Variants in CCDC89 observed in about 807,000 individuals in gnomAD.
CCDC89 encodes coiled-coil domain-containing protein 89.
In CCDC89, 28 loss-of-function variants were observed where a neutral mutation model predicts 29.3. The observed-to-expected ratio is 0.96, with a 90% CI of 0.71 to 1.31. The LOEUF (loss-of-function observed/expected upper bound fraction) is 1.31, where lower values mean the gene tolerates loss of function less well. Among genes scored for constraint, CCDC89 ranks in the 50% most tolerant of loss-of-function variants. CCDC89 has a pLI of 0.00. For missense variants in CCDC89, 484 were observed against 442.3 expected, an observed-to-expected ratio of 1.09 and a Z score of -0.85; for synonymous variants, 191 against 179.7, an observed-to-expected ratio of 1.06 and a Z score of -0.51.
In CCDC89 at chr11:85,685,389, C is replaced by A. The variant is rs748279798; in HGVS notation, c.742G>T (p.Ala248Ser). The A allele has an allele frequency of 6.2e-7, 1 of 1,611,386 alleles. No homozygotes were observed. Among genetic ancestry groups the A allele is most frequent in the Non-Finnish European group, 8.5e-7 (1 of 1,180,018 alleles). Residue 248 changes from alanine to serine, a missense_variant, in exon 1 of 1, where the codon GCT (alanine) becomes TCT (serine). Transcript: ENST00000316398. ...CTGCTGTGTGTCTCCTCTGCCTTAG[C>A]TATCTGCTCCACAGCCTGCTGGTGC... ...QQHQQAVEQIAKAEETHSSLS... is the reference protein window; with the variant it reads ...QQHQQAVEQISKAEETHSSLS...
rs957141513 is a variant in CCDC89 at position 85,683,938 on chromosome 11, G to A, written c.*1068C>T. Among the ~76,000 whole-genome samples, 4 of 152,106 alleles carry A rather than the reference G, an allele frequency of 2.6e-5. No homozygotes were observed. Among genetic ancestry groups the A allele is most frequent in the Non-Finnish European group, 5.9e-5 (4 of 68,002 alleles). On this transcript the variant is annotated 3_prime_UTR_variant, in exon 1 of 1. Coordinates refer to ENST00000316398, the MANE Select transcript of CCDC89 (RefSeq NM_152723.3). ...CTTGGTAGCCTTCAGCAAAATGGGT[G>A]AGAAAAATATTACATTACAATCTAT...
chr11:85,685,826 T>A lies in CCDC89; in HGVS notation c.305A>T (p.Glu102Val). Residue 102 changes from glutamate (E) to valine (V), a missense_variant, in exon 1 of 1, where the codon GAG (glutamate) becomes GTG (valine). Transcript: ENST00000316398. ...CTCAGCCTCCTGCATCATCTTCTCC[T>A]CCAGCTCTGCATTGAGCAGCTCTAG... ...QILELLNAEL[E>V]EKMMQEAEKL... 1 of 1,614,162 alleles carries A rather than the reference T, an allele frequency of 6.2e-7. No individual in the cohort carries two copies. Among genetic ancestry groups the A allele is most frequent in the Admixed American group, 1.7e-5 (1 of 60,028 alleles).
At position 85,685,434 on chromosome 11, in the gene CCDC89, G is replaced by T; in HGVS notation, c.697C>A (p.Leu233Met). 2 of 1,612,884 alleles carry T rather than the reference G, an allele frequency of 1.2e-6. No individual in the cohort carries two copies. Among genetic ancestry groups the T allele is most frequent in the Non-Finnish European group, 1.7e-6 (2 of 1,180,032 alleles). ...TGGTGCTGCTGCTTGAGGGTCTGCAGCTGGCTGCGCAGCTGTTCTGTCTCC... is the reference window on the plus strand; with the variant it reads ...TGGTGCTGCTGCTTGAGGGTCTGCATCTGGCTGCGCAGCTGTTCTGTCTCC... ...TKETEQLRSQ[L>M]QTLKQQHQQA... The change falls in exon 1 of 1, where the codon CTG becomes ATG. Residue 233 changes from leucine (L) to methionine (M), a missense_variant. Coordinates refer to ENST00000316398, the MANE Select transcript of CCDC89 (RefSeq NM_152723.3).
Position 85,685,648 on chromosome 11 carries a change from A to G in CCDC89, c.483T>C (p.Asn161=), listed in dbSNP as rs1485266507. The G allele has an allele frequency of 3.7e-6, 6 of 1,614,044 alleles. No individual in the cohort carries two copies. Among genetic ancestry groups the G allele is most frequent in the Non-Finnish European group, 4.2e-6 (5 of 1,180,020 alleles). ...REENEKLRLE[N]SSLFSQALKD... is the part of the protein sequence containing the mutation. ...TCAGAGCCTGGCTGAAGAGGCTGCT[A>G]TTCTCCAGCCTCAGCTTCTCATTCT... The change falls in exon 1 of 1, where the codon AAT becomes AAC. Residue 161 remains asparagine (N), a synonymous_variant. Coordinates refer to ENST00000316398, the MANE Select transcript of CCDC89 (RefSeq NM_152723.3).
chr11:85,684,837 A>G lies in CCDC89; in HGVS notation c.*169T>C, dbSNP rs1358705526. 3 of 729,676 alleles carry G rather than the reference A, an allele frequency of 4.1e-6. No homozygotes were observed. Among genetic ancestry groups the G allele is most frequent in the Non-Finnish European group, 6.4e-6 (3 of 468,886 alleles). 45.2% of individuals were successfully genotyped at this position (729,676 alleles called of 1,614,324 possible). A position where few individuals can be genotyped will look rare whatever the true frequency, so the allele number is the denominator to read the frequency against. Reference sequence around the variant, plus strand: ...ATTCTAGGTGTAGAAATGAAAATTAATAATGGCTTTACAATAATAACAACA... The same window carrying G: ...ATTCTAGGTGTAGAAATGAAAATTAGTAATGGCTTTACAATAATAACAACA... On this transcript the variant is annotated 3_prime_UTR_variant, in exon 1 of 1. Transcript: ENST00000316398.
Position 85,685,910 on chromosome 11 carries a change from G to A in CCDC89, c.221C>T (p.Ser74Phe), listed in dbSNP as rs2083015007. ...CCGCTTCAGGATGCAGATGAGCTGG[G>A]ACTGCTCTTCAATGCGGGAGCGAAG... ...AMLRSRIEEQSQLICILKRRS... is the reference protein window; with the variant it reads ...AMLRSRIEEQFQLICILKRRS... Residue 74 changes from serine to phenylalanine, a missense_variant, in exon 1 of 1, where the codon TCC (serine) becomes TTC (phenylalanine). By Grantham distance (155) the Ser-to-Phe change is radical. Coordinates refer to ENST00000316398, the MANE Select transcript of CCDC89 (RefSeq NM_152723.3). The A allele has an allele frequency of 6.2e-7, 1 of 1,614,138 alleles. No individual in the cohort carries two copies. Among genetic ancestry groups the A allele is most frequent in the Non-Finnish European group, 8.5e-7 (1 of 1,180,032 alleles).
rs369087148 is a variant in CCDC89 at position 85,685,251 on chromosome 11, A to G, written c.880T>C (p.Cys294Arg). ...ATCTCCAACTTTTCCTCAAGCTGGC[A>G]GATCTCTGCCTGTTTGTTCTGAAGC... Reference protein sequence around the residue: ...KVLQNKQAEICQLEEKLEIAN... With the variant: ...KVLQNKQAEIRQLEEKLEIAN... The change falls in exon 1 of 1, where the codon TGC (cysteine) becomes CGC (arginine). Residue 294 changes from cysteine (C) to arginine (R), a missense_variant. Physicochemically the swap from Cys to Arg is radical, Grantham distance 180. Transcript: ENST00000316398. 35 of 1,612,468 alleles carry G rather than the reference A, an allele frequency of 2.2e-5. No homozygotes were observed. The African/African-American group carries it at 4.4e-4, about 20-fold the overall frequency.
Position 85,685,240 on chromosome 11 carries a change from C to T in CCDC89, c.891G>A (p.Glu297=). 6.2e-7 allele frequency: 1 copy of T among 1,613,108 alleles called. No individual in the cohort carries two copies. The highest frequency in any genetic ancestry group is 8.5e-7 in the Non-Finnish European group (1 of 1,180,048). The change falls in exon 1 of 1, where the codon GAG becomes GAA. Residue 297 remains glutamate, a synonymous_variant. Coordinates refer to ENST00000316398, the MANE Select transcript of CCDC89 (RefSeq NM_152723.3). ...QNKQAEICQL[E]EKLEIANEDR... is the part of the protein sequence containing the mutation. ...CTTCATTTGCTATCTCCAACTTTTC[C>T]TCAAGCTGGCAGATCTCTGCCTGTT... is the stretch of plus-strand genomic sequence containing the variant.
Position 85,685,783 on chromosome 11 carries a change from AC to A in CCDC89, c.347del (p.Gly116ValfsTer7). 4 of 1,613,926 alleles carry A rather than the reference AC, an allele frequency of 2.5e-6. No individual in the cohort carries two copies. Among genetic ancestry groups the A allele is most frequent in the Non-Finnish European group, 3.4e-6 (4 of 1,179,988 alleles). On this transcript the variant is annotated frameshift_variant, in exon 1 of 1. Transcript: ENST00000316398. LOFTEE classifies it high-confidence loss of function. ...MQEAEKLKAQ[G>X]EYSRKLEERF... The stretch of plus-strand genomic sequence containing the variant: ...GTTCCTCTAGTTTCCGACTGTACTC[AC>A]CCTGGGCCTTGAGCTTCTCAGCCTC...
chr11:85,685,564 C>T lies in CCDC89; in HGVS notation c.567G>A (p.Glu189=), dbSNP rs2083011239. 6.2e-7 allele frequency: 1 copy of T among 1,614,178 alleles called. No individual in the cohort carries two copies. The highest frequency in any genetic ancestry group is 1.7e-5 in the Admixed American group (1 of 60,032). The change falls in exon 1 of 1, where the codon GAG becomes GAA. Residue 189 remains glutamate (E), a synonymous_variant. Coordinates refer to ENST00000316398, the MANE Select transcript of CCDC89 (RefSeq NM_152723.3). ...CACACCTCTCCTTCAGCGTTTCTAG[C>T]TCCCCAGTGAGGGCCTCACACCGGA... The part of the protein sequence containing the change: ...LTVRCEALTG[E]LETLKERCAQ...
chr11:85,685,610 G>A lies in CCDC89; in HGVS notation c.521C>T (p.Ala174Val). 1 of 1,614,076 alleles carries A rather than the reference G, an allele frequency of 6.2e-7. No individual in the cohort carries two copies. Among genetic ancestry groups the A allele is most frequent in the East Asian group, 2.2e-5 (1 of 44,860 alleles). ...LFSQALKDEEAKVLQLTVRCE... is the reference protein window; with the variant it reads ...LFSQALKDEEVKVLQLTVRCE... ...CCGGACTGTGAGCTGTAATACTTTC[G>A]CCTCCTCATCCTTCAGAGCCTGGCT... Residue 174 changes from alanine (A) to valine (V), a missense_variant, in exon 1 of 1, where the codon GCG (alanine) becomes GTG (valine). By Grantham distance (64) the Ala-to-Val change is moderately conservative (BLOSUM62 0). Transcript: ENST00000316398.
At position 85,685,882 on chromosome 11, in the gene CCDC89, C is replaced by T. The variant is rs766265603; in HGVS notation, c.249G>A (p.Arg83=). ...QSQLICILKR[R]SDEALERCQI... is the part of the protein sequence containing the mutation. ...GGCAGCGCTCCAGGGCCTCATCTGA[C>T]CTCCGCTTCAGGATGCAGATGAGCT... The change falls in exon 1 of 1, where the codon AGG becomes AGA. Residue 83 remains arginine, a synonymous_variant. Coordinates refer to ENST00000316398, the MANE Select transcript of CCDC89 (RefSeq NM_152723.3). 4 of 1,614,044 alleles carry T rather than the reference C, an allele frequency of 2.5e-6. No homozygotes were observed. In the African/African-American group the frequency reaches 5.3e-5, roughly 22 times the overall value.
chr11:85,685,117 C>G lies in CCDC89; in HGVS notation c.1014G>C (p.Gln338His). ...RELQRKVDGI[Q>H]KAYDELRLQS... Reference sequence around the variant, plus strand: ...GCAGCCTGAGTTCATCGTAGGCCTTCTGGATCCCATCTACTTTGCGCTGAA... The same window carrying G: ...GCAGCCTGAGTTCATCGTAGGCCTTGTGGATCCCATCTACTTTGCGCTGAA... The change falls in exon 1 of 1, where the codon CAG (glutamine) becomes CAC (histidine). Residue 338 changes from glutamine to histidine, a missense_variant. Coordinates refer to ENST00000316398, the MANE Select transcript of CCDC89 (RefSeq NM_152723.3). The G allele has an allele frequency of 6.2e-7, 1 of 1,614,238 alleles. No homozygotes were observed. Among genetic ancestry groups the G allele is most frequent in the Non-Finnish European group, 8.5e-7 (1 of 1,180,052 alleles).
Position 85,684,949 on chromosome 11 carries a change from T to C in CCDC89, c.*57A>G. The stretch of plus-strand genomic sequence containing the variant: ...GATATCATCTTTACTCTTGCCATAA[T>C]GCTAAGACGCAAATATTTGAATTCT... On this transcript the variant is annotated 3_prime_UTR_variant, in exon 1 of 1. Coordinates refer to ENST00000316398, the MANE Select transcript of CCDC89 (RefSeq NM_152723.3). The C allele has an allele frequency of 6.5e-7, 1 of 1,529,196 alleles. No individual in the cohort carries two copies. Among genetic ancestry groups the C allele is most frequent in the Non-Finnish European group, 8.8e-7 (1 of 1,136,196 alleles). The allele number at this position is 1,529,196 out of a possible 1,614,324, so 94.7% of individuals were successfully genotyped here. A position where few individuals can be genotyped will look rare whatever the true frequency, so the allele number is the denominator to read the frequency against.
At position 85,686,106 on chromosome 11, in the gene CCDC89, G is replaced by T; in HGVS notation, c.25C>A (p.Gln9Lys). Reference protein sequence around the residue: MRAPMLQKQQAPRMDTPPP... With the variant: MRAPMLQKKQAPRMDTPPP... The stretch of plus-strand genomic sequence containing the variant: ...GGGGTGTCCATCCTGGGAGCCTGCT[G>T]TTTCTGGAGCATAGGCGCTCTCATC... The change falls in exon 1 of 1, where the codon CAG (glutamine) becomes AAG (lysine). Residue 9 changes from glutamine to lysine, a missense_variant. Physicochemically the swap from Gln to Lys is moderately conservative, Grantham distance 53. Transcript: ENST00000316398. 12 of 1,613,808 alleles carry T rather than the reference G, an allele frequency of 7.4e-6. No individual in the cohort carries two copies. The highest frequency in any genetic ancestry group is 1.0e-5 in the Non-Finnish European group (12 of 1,179,912).
Position 85,683,966 on chromosome 11 carries a change from TGA to T in CCDC89, c.*1038_*1039del, listed in dbSNP as rs1357777644. The stretch of plus-strand genomic sequence containing the variant: ...AAAAATATTACATTACAATCTATTT[TGA>T]GAGGTATTCATAATAATGTTTATAT... On this transcript the variant is annotated 3_prime_UTR_variant, in exon 1 of 1. Coordinates refer to ENST00000316398, the MANE Select transcript of CCDC89 (RefSeq NM_152723.3). Among the ~76,000 whole-genome samples the T allele has an allele frequency of 6.6e-6, 1 of 152,208 alleles. No individual in the cohort carries two copies. Among genetic ancestry groups the T allele is most frequent in the East Asian group, 1.9e-4 (1 of 5,200 alleles).
In CCDC89 at chr11:85,685,959, C is replaced by T; in HGVS notation, c.172G>A (p.Glu58Lys). The T allele has an allele frequency of 6.2e-7, 1 of 1,614,212 alleles. No individual in the cohort carries two copies. The highest frequency in any genetic ancestry group is 8.5e-7 in the Non-Finnish European group (1 of 1,180,036). ...ALANLRGLSEEERSEKAMLRS... is the reference protein window; with the variant it reads ...ALANLRGLSEKERSEKAMLRS... ...AGCATAGCCTTCTCGCTCCTCTCCTCCTCTGACAGTCCCCGGAGGTTTGCC... is the reference window on the plus strand; with the variant it reads ...AGCATAGCCTTCTCGCTCCTCTCCTTCTCTGACAGTCCCCGGAGGTTTGCC... The change falls in exon 1 of 1, where the codon GAG becomes AAG. Residue 58 changes from glutamate (E) to lysine (K), a missense_variant. Physicochemically the swap from Glu to Lys is moderately conservative, Grantham distance 56 (BLOSUM62 1). Transcript: ENST00000316398.
Position 85,684,151 on chromosome 11 carries a change from A to G in CCDC89, c.*855T>C, listed in dbSNP as rs532017294. On this transcript the variant is annotated 3_prime_UTR_variant, in exon 1 of 1. Coordinates refer to ENST00000316398, the MANE Select transcript of CCDC89 (RefSeq NM_152723.3). ...AAGCATACATACACACGTTCAGCTT[A>G]GATTTTTTTAAAAAAGGAAAATCTT... Among the ~76,000 whole-genome samples, 2 of 152,352 alleles carry G rather than the reference A, an allele frequency of 1.3e-5. No homozygotes were observed. Among genetic ancestry groups the G allele is most frequent in the South Asian group, 4.1e-4 (2 of 4,828 alleles).
chr11:85,684,563 T>A lies in CCDC89; in HGVS notation c.*443A>T, dbSNP rs1400690352. On this transcript the variant is annotated 3_prime_UTR_variant, in exon 1 of 1. Transcript: ENST00000316398. Reference sequence around the variant, plus strand: ...TCATGCTATTATGCTGATACATGTTTGCTTACAATCTCAACTATGGGAGAC... The same window carrying A: ...TCATGCTATTATGCTGATACATGTTAGCTTACAATCTCAACTATGGGAGAC... Among the ~76,000 whole-genome samples, 2 of 152,236 alleles carry A rather than the reference T, an allele frequency of 1.3e-5. No homozygotes were observed. Among genetic ancestry groups the A allele is most frequent in the African/African-American group, 2.4e-5 (1 of 41,456 alleles).
Sources: gnomAD v4.1 joint callset for allele counts (sites outside exome capture counted in the v4.1 genomes callset) on GRCh38, gnomAD v4.1.1 for gene constraint, MANE v1.5 for transcripts, NCBI Gene and HGNC (gene_info 2026-07-23, HGNC 2026-07-21) for gene names.